MOB3A: variants seen among roughly 807,000 people sequenced by gnomAD.
MOB3A encodes the protein MOB kinase activator 3A.
Under a neutral mutation model 17.8 loss-of-function variants are expected in MOB3A, and 17 were observed. The ratio of observed to expected loss-of-function variants is 0.95; its 90% CI spans 0.65 to 1.43. MOB3A has a LOEUF of 1.43. MOB3A is among the 40% of genes most tolerant of loss of function. The probability of loss-of-function intolerance (pLI) is 0.00; values close to 1 mark genes in which losing one functional copy is unlikely to be tolerated. For missense variants in MOB3A, 333 were observed against 310.8 expected (o/e 1.07, Z -0.54); for synonymous variants, 124 against 133.2 (o/e 0.93, Z 0.48).
At chr19:2,086,042 A>G (rs1399554174) in intron 1 of MOB3A, among the ~76,000 whole-genome samples, 1 of 147,170 alleles carries the variant, frequency 6.8e-6, no homozygotes, top group Non-Finnish European at 1.5e-5. Context: ...TTTTACTTTC[A>G]TTTATTTATT....
At chr19:2,087,613 C>T (rs771575618) in intron 1 of MOB3A, among the ~76,000 whole-genome samples, 24 of 152,200 alleles carry the variant, frequency 1.6e-4, no homozygotes, top group Non-Finnish European at 3.1e-4. Flanking sequence ...TATGATTGTG[C>T]CACTGCACTG....
chr19:2,087,197 C>T (rs1209125687), intron 1 of MOB3A, among the ~76,000 whole-genome samples: 1 of 152,222 alleles, frequency 6.6e-6, no homozygotes, highest in African/African-American at 2.4e-5. Flanking sequence ...CCTAATTCTC[C>T]TGATAGTCTT....
intron 1 of MOB3A, among the ~76,000 whole-genome samples, chr19:2,095,680 C>G (rs947232812): frequency 6.6e-6 from 1 of 152,122 alleles, no homozygotes; most frequent in Admixed American, 6.5e-5. Context: ...TCCTCGCCGC[C>G]TAAGTTCACC....
At position 2,090,455 on chromosome 19, in the gene MOB3A, G is replaced by A. The variant is rs571225565; in HGVS notation, c.-273-5127C>T. Among the ~76,000 whole-genome samples the A allele has an allele frequency of 2.0e-5, 3 of 152,202 alleles. No individual in the cohort carries two copies. In the South Asian group the frequency reaches 6.2e-4, roughly 32 times the overall value. On this transcript the variant is annotated intron_variant, in intron 1 of 4. Coordinates refer to ENST00000357066, the MANE Select transcript of MOB3A (RefSeq NM_130807.3). ...TGTCTGGGGACATCTGTGGTTGTCA[G>A]GTTTTGGGGGAACTCCTGGCATGGA...
intron 2 of MOB3A, among the ~76,000 whole-genome samples, chr19:2,081,109 G>C (rs2017481539): frequency 6.6e-6 from 1 of 152,016 alleles, no homozygotes; most frequent in Non-Finnish European, 1.5e-5. Context: ...AACAGAGTAA[G>C]ACCCTGTCTC....
At position 2,073,259 on chromosome 19, in the gene MOB3A, C is replaced by T; in HGVS notation, c.*136G>A. ...GGGTTGGAGCTCCTGAGGACCAACA[C>T]CTGCTCAGCGGCTCGGCCCCTGGTC... is the stretch of plus-strand genomic sequence containing the variant. On this transcript the variant is annotated 3_prime_UTR_variant, in exon 5 of 5. Coordinates refer to ENST00000357066, the MANE Select transcript of MOB3A (RefSeq NM_130807.3). 8.9e-7 allele frequency: 1 copy of T among 1,117,610 alleles called. No individual in the cohort carries two copies. The highest frequency in any genetic ancestry group is 1.3e-6 in the Non-Finnish European group (1 of 756,682). The allele number at this position is 1,117,610 out of a possible 1,614,324, so 69.2% of individuals were successfully genotyped here.
rs2017634247 is a variant in MOB3A, at chr19:2,093,335, C to G, written c.-274+2891G>C. On this transcript the variant is annotated intron_variant, in intron 1 of 4. Coordinates refer to ENST00000357066, the MANE Select transcript of MOB3A (RefSeq NM_130807.3). This position sits in a 1 kb window ranked among gnomAD's most constrained non-coding sequence, Gnocchi z 4.6. Reference sequence around the variant, plus strand: ...AGCATGCCCGGGTAAATTTTGTATTCCTCAGCCGATGAGCTCTGTTCCTGT... The same window carrying G: ...AGCATGCCCGGGTAAATTTTGTATTGCTCAGCCGATGAGCTCTGTTCCTGT... 6.6e-6 allele frequency among the ~76,000 whole-genome samples: 1 copy of G among 152,018 alleles called. No individual in the cohort carries two copies. Among genetic ancestry groups the G allele is most frequent in the South Asian group, 2.1e-4 (1 of 4,798 alleles).
chr19:2,095,645 G>A (rs2017676267), intron 1 of MOB3A, among the ~76,000 whole-genome samples: 1 of 151,902 alleles, frequency 6.6e-6, no homozygotes, highest in African/African-American at 2.4e-5. Context: ...CGCCGCCCGC[G>A]TTCGCCCCTC....
intron 1 of MOB3A, among the ~76,000 whole-genome samples, chr19:2,095,996 G>A (rs1320575541): frequency 6.6e-6 from 1 of 151,906 alleles, no homozygotes; most frequent in African/African-American, 2.4e-5. Flanking sequence ...CACCCGCGTC[G>A]GCCTCCCAAA....
In MOB3A at chr19:2,096,253, C is replaced by G. The variant is rs1352763908; in HGVS notation, c.-301G>C. On this transcript the variant is annotated 5_prime_UTR_variant, in exon 1 of 5. Coordinates refer to ENST00000357066, the MANE Select transcript of MOB3A (RefSeq NM_130807.3). The stretch of plus-strand genomic sequence containing the variant: ...GATCGCCTCTGCCGCCCGCCTTCGC[C>G]CCTCCCGGTACCCAACTGGCCGCCT... 6.4e-6 allele frequency: 1 copy of G among 157,456 alleles called. No individual in the cohort carries two copies. Among genetic ancestry groups the G allele is most frequent in the Non-Finnish European group, 1.4e-5 (1 of 70,956 alleles). The allele number at this position is 157,456 out of a possible 1,614,324, so 9.8% of individuals were successfully genotyped here. A position where few individuals can be genotyped will look rare whatever the true frequency, so the allele number is the denominator to read the frequency against.
At chr19:2,077,376 TGG>T (rs1187501564) in intron 3 of MOB3A, among the ~76,000 whole-genome samples, 3 of 151,140 alleles carry the variant, frequency 2.0e-5, no homozygotes, top group Non-Finnish European at 4.4e-5. Context: ...CACTCCAGCC[TGG>T]GTGACAGAGT....
At position 2,073,313 on chromosome 19, in the gene MOB3A, C is replaced by T. The variant is rs1006436914; in HGVS notation, c.*82G>A. 15 of 1,551,252 alleles carry T rather than the reference C, an allele frequency of 9.7e-6. No homozygotes were observed. In the African/African-American group the frequency reaches 1.4e-4, roughly 14 times the overall value. ...CTGAGATGCTCAGGCCGGAGAGAAG[C>T]GGGATGATGGTTCCAGAGCGTCCTC... is the stretch of plus-strand genomic sequence containing the variant. On this transcript the variant is annotated 3_prime_UTR_variant, in exon 5 of 5. Transcript: ENST00000357066.
chr19:2,076,895 C>G lies in MOB3A; in HGVS notation c.540G>C (p.Glu180Asp). The G allele has an allele frequency of 1.2e-6, 2 of 1,614,094 alleles. No homozygotes were observed. The highest frequency in any genetic ancestry group is 1.1e-5 in the South Asian group (1 of 91,084). ...GCTTGTAGCAGGTGTTCACGTGGGCCTCGGAGCCCATCTGCGCGATGCGGT... is the reference window on the plus strand; with the variant it reads ...GCTTGTAGCAGGTGTTCACGTGGGCGTCGGAGCCCATCTGCGCGATGCGGT... ...HFDRIAQMGS[E>D]AHVNTCYKHF... The change falls in exon 4 of 5, where the codon GAG (glutamate) becomes GAC (aspartate). Residue 180 changes from glutamate to aspartate, a missense_variant. Physicochemically the swap from Glu to Asp is conservative, Grantham distance 45. Coordinates refer to ENST00000357066, the MANE Select transcript of MOB3A (RefSeq NM_130807.3).
At chr19:2,080,880 T>C (rs2017479182) in intron 2 of MOB3A, among the ~76,000 whole-genome samples, 1 of 152,156 alleles carries the variant, frequency 6.6e-6, no homozygotes, top group Admixed American at 6.6e-5. Flanking sequence ...GTGCAGTGGT[T>C]CACACCTGTA....
intron 2 of MOB3A, among the ~76,000 whole-genome samples, chr19:2,083,110 G>A (rs2017510030): frequency 6.6e-6 from 1 of 152,212 alleles, no homozygotes; most frequent in Non-Finnish European, 1.5e-5. Context: ...GCCTCTCAAG[G>A]GGCTGAGATC....
At position 2,072,324 on chromosome 19, in the gene MOB3A, C is replaced by T. The variant is rs560214120; in HGVS notation, c.*1071G>A. ...GGCGTGGTGGCGCACACCTGTAATC[C>T]CAGCTACTTGGGAGGCTGAAGCAGG... On this transcript the variant is annotated 3_prime_UTR_variant, in exon 5 of 5. Transcript: ENST00000357066. The T allele has an allele frequency of 6.6e-6, 1 of 152,174 alleles. No individual in the cohort carries two copies. The highest frequency in any genetic ancestry group is 2.1e-4 in the South Asian group (1 of 4,822). The allele number at this position is 152,174 out of a possible 1,614,324, so 9.4% of individuals were successfully genotyped here. A position where few individuals can be genotyped will look rare whatever the true frequency, so the allele number is the denominator to read the frequency against.
chr19:2,080,384 C>CT (rs999386893), intron 2 of MOB3A, among the ~76,000 whole-genome samples: 137 of 146,692 alleles, frequency 9.3e-4, no homozygotes, highest in African/African-American at 1.8e-3. Context: ...ACCCCCACCT[C>CT]TTTTTTTTTT....
intron 2 of MOB3A, among the ~76,000 whole-genome samples, chr19:2,079,584 G>A (rs1444668988): frequency 6.6e-6 from 1 of 152,210 alleles, no homozygotes; most frequent in Non-Finnish European, 1.5e-5. Flanking sequence ...CCTGGCAGAT[G>A]CCCCTCGGCC....
intron 2 of MOB3A, among the ~76,000 whole-genome samples, chr19:2,080,709 G>A (rs2017476908): frequency 6.6e-6 from 1 of 152,108 alleles, no homozygotes; most frequent in Non-Finnish European, 1.5e-5. Context: ...GTCCTGTCTT[G>A]TGTCTCATCC....
Sources: allele counts gnomAD v4.1 joint callset (sites outside exome capture counted in the v4.1 genomes callset), GRCh38; gene constraint gnomAD v4.1.1; non-coding constraint Gnocchi (gnomAD v3.1); transcripts MANE v1.5; gene names NCBI Gene and HGNC (gene_info 2026-07-23, HGNC 2026-07-21).